Variants in RABEP2 observed in about 807,000 individuals in gnomAD.
The protein encoded by RABEP2 is rabaptin, RAB GTPase binding effector protein 2.
A neutral mutation model predicts 74.1 loss-of-function variants in RABEP2; 57 were observed. That is an observed-to-expected ratio of 0.77 (90% CI 0.62 to 0.96). The LOEUF is 0.96. Ranked by LOEUF, RABEP2 falls within the 40% of genes least tolerant of loss-of-function variation. The pLI is 0.00. For missense variants in RABEP2, 692 were observed against 756.3 expected, an observed-to-expected ratio of 0.91 and a Z score of 1.00; for synonymous variants, 351 against 344.0, an observed-to-expected ratio of 1.02 and a Z score of -0.23.
chr16:28,908,991 T>C (rs1003303456), intron 7 of RABEP2, among the ~76,000 whole-genome samples: 2 of 124,578 alleles, frequency 1.6e-5, no homozygotes, highest in African/African-American at 3.5e-5. Flanking sequence ...CCAGATATTT[T>C]ACTTGGTCTA....
In RABEP2 at chr16:28,919,884, G is replaced by A; in HGVS notation, c.334C>T (p.Gln112Ter). 1 of 1,609,094 alleles carries A rather than the reference G, an allele frequency of 6.2e-7. No individual in the cohort carries two copies. The part of the protein sequence containing the change: ...TALKQERQQQ[Q>*]QDCEEKEREL... ...CGCTCCTTCTCCTCACAGTCCTGCT[G>A]CTGCTGCTGTCGCTCCTGCTTCAGG... Residue 112 changes from glutamine (Q) to a stop codon, truncating the protein, a stop_gained, in exon 3 of 13, where the codon CAG (glutamine) becomes TAG (stop). Transcript: ENST00000358201. LOFTEE classifies it high-confidence loss of function.
At chr16:28,905,561 C>A (rs1243802486) in intron 11 of RABEP2, 48 bp from the exon 12 acceptor site, 1 of 1,582,224 alleles carries the variant, frequency 6.3e-7, no homozygotes, top group Admixed American at 1.7e-5. Context: ...CAGCCTGGAC[C>A]AGATGGGAGG....
rs1441701858 is a variant in RABEP2, at chr16:28,913,496, T to C, written c.894+740A>G. Among the ~76,000 whole-genome samples the C allele has an allele frequency of 1.3e-5, 2 of 152,140 alleles. 1 individual carries two copies. The highest frequency in any genetic ancestry group is 3.8e-4 in the East Asian group (2 of 5,196). On this transcript the variant is annotated intron_variant, in intron 5 of 12. Transcript: ENST00000358201. Reference sequence around the variant, plus strand: ...TGTATCACATTATTGTTATTATTATTTTGAGACAGAGTTTCACTCTTGTTG... The same window carrying C: ...TGTATCACATTATTGTTATTATTATCTTGAGACAGAGTTTCACTCTTGTTG...
Position 28,919,878 on chromosome 16 carries a change from C to A in RABEP2, c.340G>T (p.Asp114Tyr). The A allele has an allele frequency of 6.2e-7, 1 of 1,608,892 alleles. No individual in the cohort carries two copies. The highest frequency in any genetic ancestry group is 1.3e-5 in the African/African-American group (1 of 74,968). Residue 114 changes from aspartate to tyrosine, a missense_variant, in exon 3 of 13, where the codon GAC becomes TAC. Asp to Tyr is a radical substitution (Grantham distance 160). Coordinates refer to ENST00000358201, the MANE Select transcript of RABEP2 (RefSeq NM_024816.3). ...LKQERQQQQQ[D>Y]CEEKERELGR... ...AGCTCCCGCTCCTTCTCCTCACAGT[C>A]CTGCTGCTGCTGCTGTCGCTCCTGC...
intron 3 of RABEP2, among the ~76,000 whole-genome samples, chr16:28,919,193 T>C (rs1964435292): frequency 6.6e-6 from 1 of 151,942 alleles, no homozygotes; most frequent in Non-Finnish European, 1.5e-5. Context: ...TCTCACTCTA[T>C]TGCCCAGGTT....
At position 28,905,036 on chromosome 16, in the gene RABEP2, T is replaced by C. The variant is rs772750605; in HGVS notation, c.1617A>G (p.Leu539=). ...VRLSQALQVR[L]ERIRQAETLE... Reference sequence around the variant, plus strand: ...GGGTCTCAGCCTGGCGGATCCGCTCTAGGCGCACCTGCCGGATCGGACGAG... The same window carrying C: ...GGGTCTCAGCCTGGCGGATCCGCTCCAGGCGCACCTGCCGGATCGGACGAG... The change falls in exon 13 of 13, where the codon CTA becomes CTG. Residue 539 remains leucine, a synonymous_variant. Transcript: ENST00000358201. 6.2e-7 allele frequency: 1 copy of C among 1,604,164 alleles called. No homozygotes were observed. The highest frequency in any genetic ancestry group is 8.5e-7 in the Non-Finnish European group (1 of 1,177,804).
chr16:28,917,126 C>T (rs970856925), intron 3 of RABEP2, among the ~76,000 whole-genome samples: 5 of 152,166 alleles, frequency 3.3e-5, no homozygotes, highest in African/African-American at 4.8e-5. Flanking sequence ...TATTTTCCCA[C>T]CTCTTTTCAA....
At chr16:28,914,027 C>G (rs910588126) in intron 5 of RABEP2, among the ~76,000 whole-genome samples, 20 of 151,706 alleles carry the variant, frequency 1.3e-4, no homozygotes, top group South Asian at 8.3e-4. Flanking sequence ...TCTTCCCACC[C>G]AGCTTCCGAG....
chr16:28,913,728 C>T (rs369454371), intron 5 of RABEP2, among the ~76,000 whole-genome samples: 3 of 151,224 alleles, frequency 2.0e-5, no homozygotes, highest in Admixed American at 6.6e-5. Context: ...CCACCCACCT[C>T]GGCCTCCCAA....
intron 7 of RABEP2, among the ~76,000 whole-genome samples, chr16:28,909,983 C>T (rs1211090852): frequency 1.5e-5 from 2 of 136,436 alleles, no homozygotes; most frequent in Admixed American, 8.0e-5. Context: ...GAGCCGAGAT[C>T]GTGCCACTGC....
At chr16:28,922,534 ACACAGTGAAACC>A (rs1964480664) in intron 2 of RABEP2, among the ~76,000 whole-genome samples, 1 of 152,112 alleles carries the variant, frequency 6.6e-6, no homozygotes, top group Admixed American at 6.6e-5. Context: ...ATCCTGGCTA[ACACAGTGAAACC>A]CCGTCTCTAC....
rs1964520069 is a variant in RABEP2, at chr16:28,925,227, T to G, written c.-64A>C. ...GACGGAGCGCACCGCTTCCGGGTCC[T>G]CTCGGCTGTTTCCGGATCCGCTCGG... On this transcript the variant is annotated 5_prime_UTR_variant, in exon 1 of 13. Transcript: ENST00000358201. 44 of 1,487,588 alleles carry G rather than the reference T, an allele frequency of 3.0e-5. No individual in the cohort carries two copies. Among genetic ancestry groups the G allele is most frequent in the Non-Finnish European group, 3.7e-5 (42 of 1,124,356 alleles). 92.1% of individuals were successfully genotyped at this position (1,487,588 alleles called of 1,614,324 possible). A position where few individuals can be genotyped will look rare whatever the true frequency, so the allele number is the denominator to read the frequency against.
intron 7 of RABEP2, 162 bp downstream of exon 7, chr16:28,910,726 G>C: frequency 1.6e-6 from 1 of 618,406 alleles, no homozygotes. Flanking sequence ...GGCACCAGCT[G>C]CCCCAAAACC....
intron 3 of RABEP2, among the ~76,000 whole-genome samples, chr16:28,916,790 A>C (rs749130085): frequency 4.6e-5 from 7 of 151,832 alleles, no homozygotes; most frequent in East Asian, 1.9e-4. Context: ...TCAAGACCAG[A>C]CTGGCCAACG....
At chr16:28,920,151 T>G (rs1238571596) in intron 2 of RABEP2, among the ~76,000 whole-genome samples, 2 of 152,090 alleles carry the variant, frequency 1.3e-5, no homozygotes, top group African/African-American at 4.8e-5. Context: ...GGGACACTAC[T>G]GATCATCCTT....
In RABEP2 at chr16:28,924,549, A is replaced by G; in HGVS notation, c.128T>C (p.Leu43Pro). The G allele has an allele frequency of 6.2e-7, 1 of 1,613,852 alleles. No individual in the cohort carries two copies. Among genetic ancestry groups the G allele is most frequent in the South Asian group, 1.1e-5 (1 of 91,082 alleles). ...CAGGGCGCCTGCCAGCTCAGCCCGA[A>G]GCCGGCTGAGCTCACCTGACTCGGC... The part of the protein sequence containing the change: ...GEAESGELSR[L>P]RAELAGALAE... Residue 43 changes from leucine (L) to proline (P), a missense_variant, in exon 2 of 13, where the codon CTT (leucine) becomes CCT (proline). By Grantham distance (98) the Leu-to-Pro change is moderately conservative. Transcript: ENST00000358201.
Position 28,924,596 on chromosome 16 carries a change from G to A in RABEP2, c.81C>T (p.Ser27=). ...CGGCCTCACCATTTGCCCCTTCCTG[G>A]GACCGGGAGTCCTCCAGTGCTGTGG... is the stretch of plus-strand genomic sequence containing the variant. ...RPGAALEDSR[S]QEGANGEAES... The change falls in exon 2 of 13, where the codon TCC becomes TCT. Residue 27 remains serine (S), a synonymous_variant. Coordinates refer to ENST00000358201, the MANE Select transcript of RABEP2 (RefSeq NM_024816.3). 1.2e-6 allele frequency: 2 copies of A among 1,611,474 alleles called. No individual in the cohort carries two copies. The highest frequency in any genetic ancestry group is 1.7e-6 in the Non-Finnish European group (2 of 1,179,980).
intron 8 of RABEP2, among the ~76,000 whole-genome samples, chr16:28,908,344 G>A (rs184119594): frequency 2.0e-5 from 3 of 152,008 alleles, no homozygotes; most frequent in Non-Finnish European, 2.9e-5. Context: ...CTTGTGGCTC[G>A]CGTGTCACTT....
chr16:28,924,684 C>T (rs1964510530), intron 1 of RABEP2, 69 bp from the exon 2 acceptor site: 8 of 1,417,936 alleles, frequency 5.6e-6, no homozygotes, highest in Non-Finnish European at 6.9e-6. Context: ...TTAGCAAGTC[C>T]TGCAACCTAG....
Sources: allele counts gnomAD v4.1 joint callset (sites outside exome capture counted in the v4.1 genomes callset), GRCh38; gene constraint gnomAD v4.1.1; transcripts MANE v1.5; gene names NCBI Gene and HGNC (gene_info 2026-07-23, HGNC 2026-07-21).